KIF15: variants seen among roughly 807,000 people sequenced by gnomAD.
KIF15 encodes the protein kinesin family member 15, also known as kinesin-like protein KIF15.
A neutral mutation model predicts 190.6 loss-of-function variants in KIF15; 140 were observed. That is an observed-to-expected ratio of 0.73 (90% confidence interval 0.64 to 0.84). KIF15 has a LOEUF of 0.84. Among genes scored for constraint, KIF15 ranks in the 40% least tolerant of loss-of-function variants. The probability of loss-of-function intolerance (pLI) is 0.00; values close to 1 mark genes in which losing one functional copy is unlikely to be tolerated. For synonymous variants in KIF15, 528 were observed against 551.3 expected (o/e 0.96, Z 0.59); for missense variants, 1,372 against 1,584.4 (o/e 0.87, Z 2.28).
chr3:44,811,502 G>A (rs1320782925), intron 17 of KIF15, among the ~76,000 whole-genome samples: 4 of 152,106 alleles, frequency 2.6e-5, no homozygotes, highest in South Asian at 2.1e-4. Flanking sequence ...AAAATTAGCC[G>A]GGTGTGGTGG....
chr3:44,800,344 G>A lies in KIF15; in HGVS notation c.1129G>A (p.Val377Met). Residue 377 changes from valine to methionine, a missense_variant, in exon 11 of 35, where the codon GTG becomes ATG. Val to Met is a conservative substitution (Grantham distance 21). Coordinates refer to ENST00000326047, the MANE Select transcript of KIF15 (RefSeq NM_020242.3). ...AGTAAATGAAGACACCCAAGGAAAT[G>A]TGAGCCAGCTCCAAGCTGAAGTGAA... Reference protein sequence around the residue: ...AVVNEDTQGNVSQLQAEVKRL... With the variant: ...AVVNEDTQGNMSQLQAEVKRL... 1.9e-6 allele frequency: 3 copies of A among 1,614,194 alleles called. No homozygotes were observed. The highest frequency in any genetic ancestry group is 2.2e-5 in the East Asian group (1 of 44,894).
chr3:44,813,679 C>T (rs1374121547), intron 19 of KIF15, among the ~76,000 whole-genome samples: 5 of 137,674 alleles, frequency 3.6e-5, no homozygotes, highest in Non-Finnish European at 7.6e-5. Flanking sequence ...CAGGCTGGAG[C>T]GCAGTGGCGG....
intron 1 of KIF15, among the ~76,000 whole-genome samples, chr3:44,764,892 C>T (rs1265815907): frequency 6.6e-6 from 1 of 152,234 alleles, no homozygotes; most frequent in Non-Finnish European, 1.5e-5. Context: ...CCACCTTGGT[C>T]TCCCAAAGTG....
At chr3:44,784,329 C>T (rs1478220183) in intron 5 of KIF15, among the ~76,000 whole-genome samples, 2 of 152,054 alleles carry the variant, frequency 1.3e-5, no homozygotes, top group East Asian at 3.9e-4. Context: ...CCCGCTACCA[C>T]GCCCGGCTAC....
Position 44,812,224 on chromosome 3 carries a change from C to T in KIF15, c.2212C>T (p.His738Tyr), listed in dbSNP as rs756800660. ...TCAAGCCAAACTGGATGAAGAAGAG[C>T]ATAAAAACCTAAAGCTTCAGCAGCA... ...ALQAKLDEEE[H>Y]KNLKLQQHVD... Residue 738 changes from histidine to tyrosine, a missense_variant, in exon 18 of 35, where the codon CAT becomes TAT. Physicochemically the swap from His to Tyr is moderately conservative, Grantham distance 83. Transcript: ENST00000326047. 3.7e-6 allele frequency: 6 copies of T among 1,613,956 alleles called. No homozygotes were observed. The South Asian group carries it at 4.4e-5, about 12-fold the overall frequency.
rs1266811395 is a variant in KIF15 at position 44,775,358 on chromosome 3, C to T, written c.167C>T (p.Ser56Phe). The change falls in exon 3 of 35, where the codon TCC becomes TTC. Residue 56 changes from serine to phenylalanine, a missense_variant. Coordinates refer to ENST00000326047, the MANE Select transcript of KIF15 (RefSeq NM_020242.3). ...EQNLCLSVLS[S>F]TSLRLHSNPE... ...AACTTATGCTTATCTGTGCTGTCCT[C>T]CACGAGTCTCCGGCTGCACTCCAAC... is the stretch of plus-strand genomic sequence containing the variant. The T allele has an allele frequency of 6.2e-7, 1 of 1,614,052 alleles. No individual in the cohort carries two copies. The highest frequency in any genetic ancestry group is 8.5e-7 in the Non-Finnish European group (1 of 1,179,992).
chr3:44,776,210 C>T lies in KIF15; in HGVS notation c.246+773C>T, dbSNP rs1432607349. ...TTAAATAGTATTCTCCTTTTTTCAT[C>T]GAACTTTGTAGCAGAATGACAAAAG... On this transcript the variant is annotated intron_variant, in intron 3 of 34. Coordinates refer to ENST00000326047, the MANE Select transcript of KIF15 (RefSeq NM_020242.3). 3.3e-5 allele frequency among the ~76,000 whole-genome samples: 5 copies of T among 150,458 alleles called. No homozygotes were observed. The East Asian group carries it at 5.8e-4, about 18-fold the overall frequency.
chr3:44,793,217 C>T (rs1166861886), intron 7 of KIF15, among the ~76,000 whole-genome samples: 1 of 152,142 alleles, frequency 6.6e-6, no homozygotes. Context: ...CCAGACCTCG[C>T]CTAGTAAATA....
At chr3:44,787,852 ATTTTTTTATTTG>A (rs1288852908) in intron 7 of KIF15, among the ~76,000 whole-genome samples, 3 of 151,294 alleles carry the variant, frequency 2.0e-5, no homozygotes, top group Non-Finnish European at 2.9e-5. Flanking sequence ...ATTTTTATTT[ATTTTTTTATTTG>A]TTTTTTTGGA....
At position 44,794,396 on chromosome 3, in the gene KIF15, A is replaced by C; in HGVS notation, c.819A>C (p.Lys273Asn). ...LVDLAGSERQ[K>N]DTHAEGMRLK... ...ATTTAGCAGGATCTGAAAGGCAAAA[A>C]GATACCCATGCAGAAGGGATGAGAT... The change falls in exon 8 of 35, where the codon AAA becomes AAC. Residue 273 changes from lysine (K) to asparagine (N), a missense_variant. Coordinates refer to ENST00000326047, the MANE Select transcript of KIF15 (RefSeq NM_020242.3). 1 of 1,610,350 alleles carries C rather than the reference A, an allele frequency of 6.2e-7. No homozygotes were observed. The highest frequency in any genetic ancestry group is 8.5e-7 in the Non-Finnish European group (1 of 1,177,834).
At chr3:44,792,014 C>T (rs1334928996) in intron 7 of KIF15, among the ~76,000 whole-genome samples, 4 of 152,008 alleles carry the variant, frequency 2.6e-5, no homozygotes, top group African/African-American at 7.2e-5. Context: ...CCATAGTGCC[C>T]GGCCGCTTTT....
At chr3:44,830,134 C>A in intron 25 of KIF15, 59 bp downstream of exon 25, 1 of 877,002 alleles carries the variant, frequency 1.1e-6, no homozygotes, top group Non-Finnish European at 1.7e-6. Context: ...ACAGACTTTT[C>A]AAGAGTTTAA....
At position 44,829,984 on chromosome 3, in the gene KIF15, A is replaced by G; in HGVS notation, c.2957A>G (p.Asp986Gly). 6.3e-7 allele frequency: 1 copy of G among 1,582,308 alleles called. No individual in the cohort carries two copies. Among genetic ancestry groups the G allele is most frequent in the Non-Finnish European group, 8.6e-7 (1 of 1,167,250 alleles). Reference sequence around the variant, plus strand: ...TGTCCTCATCAGAAAGTTGTAGCTGACCTCATGAACCAGATCCAGGAGCTA... The same window carrying G: ...TGTCCTCATCAGAAAGTTGTAGCTGGCCTCATGAACCAGATCCAGGAGCTA... ...SRDSDKKVVADLMNQIQELRT... is the reference protein window; with the variant it reads ...SRDSDKKVVAGLMNQIQELRT... Residue 986 changes from aspartate (D) to glycine (G), a missense_variant, in exon 25 of 35, where the codon GAC (aspartate) becomes GGC (glycine). Asp to Gly is a moderately conservative substitution (Grantham distance 94). Transcript: ENST00000326047.
chr3:44,811,293 G>C (rs74481563), intron 17 of KIF15, among the ~76,000 whole-genome samples: 1 of 152,228 alleles, frequency 6.6e-6, no homozygotes, highest in East Asian at 1.9e-4. Context: ...ATGACCAGTT[G>C]GCCACTAGCT....
At chr3:44,832,740 C>T (rs769842647) in intron 26 of KIF15, among the ~76,000 whole-genome samples, 2 of 151,996 alleles carry the variant, frequency 1.3e-5, no homozygotes, top group Non-Finnish European at 2.9e-5. Flanking sequence ...ATAGGCTGGA[C>T]GTGGTAGCTC....
chr3:44,802,410 T>C (rs1195116947), intron 13 of KIF15, among the ~76,000 whole-genome samples: 1 of 152,230 alleles, frequency 6.6e-6, no homozygotes, highest in Non-Finnish European at 1.5e-5. Context: ...CAAACTAATA[T>C]GGGTGGATAT....
rs185627267 is a variant in KIF15 at position 44,794,309 on chromosome 3, A to G, written c.732A>G (p.Ile244Met). 2.5e-6 allele frequency: 4 copies of G among 1,614,018 alleles called. No homozygotes were observed. In the Admixed American group the frequency reaches 6.7e-5, roughly 27 times the overall value. The change falls in exon 8 of 35, where the codon ATA becomes ATG. Residue 244 changes from isoleucine (I) to methionine (M), a missense_variant. By Grantham distance (10) the Ile-to-Met change is conservative. Coordinates refer to ENST00000326047, the MANE Select transcript of KIF15 (RefSeq NM_020242.3). ...SRSHAVFTIT[I>M]ESMEKSNEIV... Reference sequence around the variant, plus strand: ...CTCATGCCGTCTTTACAATTACAATAGAGTCAATGGAGAAAAGTAATGAGA... The same window carrying G: ...CTCATGCCGTCTTTACAATTACAATGGAGTCAATGGAGAAAAGTAATGAGA...
intron 32 of KIF15, among the ~76,000 whole-genome samples, chr3:44,850,434 A>G (rs994352317): frequency 6.6e-6 from 1 of 152,202 alleles, no homozygotes; most frequent in African/African-American, 2.4e-5. Flanking sequence ...TCTAGCAAAA[A>G]GAGTAAAAGC....
intron 7 of KIF15, 80 bp downstream of exon 7, chr3:44,786,654 T>C: frequency 1.7e-6 from 2 of 1,153,978 alleles, no homozygotes; most frequent in Admixed American, 2.4e-5. Context: ...AAAGTGACAA[T>C]TGAGGTACCA....
Sources: allele counts gnomAD v4.1 joint callset (sites outside exome capture counted in the v4.1 genomes callset), GRCh38; gene constraint gnomAD v4.1.1; transcripts MANE v1.5; gene names NCBI Gene and HGNC (gene_info 2026-07-23, HGNC 2026-07-21).